Variants in BANP observed in about 807,000 individuals in gnomAD.
The protein encoded by BANP is BTG3 associated nuclear protein.
BANP carries 11 observed loss-of-function variants against 68.1 expected under a neutral mutation model. The observed-to-expected ratio is 0.16, with a 90% CI of 0.10 to 0.27. The LOEUF (loss-of-function observed/expected upper bound fraction) is 0.27. Among genes scored for constraint, BANP ranks in the 10% least tolerant of loss-of-function variants. The pLI is 1.00. For missense variants in BANP, 504 were observed against 722.7 expected (o/e 0.70, Z 3.47); for synonymous variants, 329 against 303.2 (o/e 1.09, Z -0.88).
In BANP at chr16:88,077,156, C is replaced by T. The variant is rs994838764; in HGVS notation, c.*495C>T. 1.2e-5 allele frequency: 2 copies of T among 160,638 alleles called. No homozygotes were observed. The highest frequency in any genetic ancestry group is 1.4e-5 in the Non-Finnish European group (1 of 72,772). The allele number at this position is 160,638 out of a possible 1,614,324, so 10.0% of individuals were successfully genotyped here. On this transcript the variant is annotated 3_prime_UTR_variant, in exon 14 of 14. Coordinates refer to ENST00000682872, the MANE Select transcript of BANP (RefSeq NM_001386991.1). Reference sequence around the variant, plus strand: ...GTGTGCTCTGTCCAGTGTCATGAGACGGGAGCCCTTTGCTGTGTGCTCTGT... The same window carrying T: ...GTGTGCTCTGTCCAGTGTCATGAGATGGGAGCCCTTTGCTGTGTGCTCTGT...
chr16:88,015,665 G>A (rs2074371544), intron 6 of BANP, among the ~76,000 whole-genome samples: 1 of 152,266 alleles, frequency 6.6e-6, no homozygotes, highest in Admixed American at 6.5e-5. Flanking sequence ...TCGCTTGCAG[G>A]CCACTGTCCC....
chr16:88,019,048 A>G (rs1377252100), intron 7 of BANP, among the ~76,000 whole-genome samples: 1 of 152,082 alleles, frequency 6.6e-6, no homozygotes, highest in Admixed American at 6.6e-5. Context: ...GCCTCTCCTA[A>G]GCGGGTGGAG....
intron 11 of BANP, among the ~76,000 whole-genome samples, chr16:88,038,499 A>G (rs2079974031): frequency 1.0e-5 from 1 of 98,060 alleles, no homozygotes. Flanking sequence ...TCAGATGGTT[A>G]TTTTCTGCAC....
intron 4 of BANP, among the ~76,000 whole-genome samples, chr16:87,996,282 C>T (rs558787031): frequency 1.3e-5 from 2 of 152,242 alleles, no homozygotes; most frequent in Non-Finnish European, 2.9e-5. Flanking sequence ...GTCTCAGCTG[C>T]CTGTGCCACT....
chr16:88,056,845 A>G (rs1470705093), intron 11 of BANP, among the ~76,000 whole-genome samples: 2 of 152,242 alleles, frequency 1.3e-5, no homozygotes, highest in African/African-American at 2.4e-5. Flanking sequence ...AATGAATACA[A>G]TGGCAACTGT....
chr16:88,028,576 TTGAGTGACCTGTGTTGAAG>T (rs1244042225), intron 8 of BANP, among the ~76,000 whole-genome samples: 1 of 152,202 alleles, frequency 6.6e-6, no homozygotes, highest in African/African-American at 2.4e-5. Flanking sequence ...CAGCGCTTTA[TTGAGTGACCTGTGTTGAAG>T]AAGCTCTTCT....
chr16:88,031,788 C>T (rs182803575), intron 8 of BANP, among the ~76,000 whole-genome samples: 1 of 151,372 alleles, frequency 6.6e-6, no homozygotes, highest in African/African-American at 2.4e-5. Context: ...TCCCCTCCCC[C>T]GCTCTTGCCC....
rs1009187247 is a variant in BANP, at chr16:88,036,084, G to T, written c.1272+690G>T. Among the ~76,000 whole-genome samples the T allele has an allele frequency of 2.0e-5, 3 of 152,200 alleles. No individual in the cohort carries two copies. Among genetic ancestry groups the T allele is most frequent in the Non-Finnish European group, 4.4e-5 (3 of 68,038 alleles). On this transcript the variant is annotated intron_variant, in intron 10 of 13. Coordinates refer to ENST00000682872, the MANE Select transcript of BANP (RefSeq NM_001386991.1). The surrounding 1 kb of genome is among the most constrained non-coding windows in gnomAD (Gnocchi z 4.2). ...GCATGCCAGAGCAGGACTGTCTCCC[G>T]GGTGACCGTCCTTCGACTCTGGGCT... is the stretch of plus-strand genomic sequence containing the variant.
At position 88,002,923 on chromosome 16, in the gene BANP, G is replaced by A. The variant is rs1429405807; in HGVS notation, c.363-1372G>A. 1.3e-5 allele frequency among the ~76,000 whole-genome samples: 2 copies of A among 152,104 alleles called. No individual in the cohort carries two copies. The highest frequency in any genetic ancestry group is 2.9e-5 in the Non-Finnish European group (2 of 68,010). ...AAATGCATGTGTGGACATGCTGTGA[G>A]CCTAGGATCCCGGGGACACCAGCCT... On this transcript the variant is annotated intron_variant, in intron 4 of 13. Transcript: ENST00000682872. The surrounding 1 kb of genome is among the most constrained non-coding windows in gnomAD (Gnocchi z 4.6).
rs1248540121 is a variant in BANP, at chr16:88,057,069, G to T, written c.1312-8198G>T. Reference sequence around the variant, plus strand: ...TCCTTTTGGTGGGATCCAAATGTGAGAACTTTTTCTGAATAAGGGAGTTTT... The same window carrying T: ...TCCTTTTGGTGGGATCCAAATGTGATAACTTTTTCTGAATAAGGGAGTTTT... On this transcript the variant is annotated intron_variant, in intron 11 of 13. Coordinates refer to ENST00000682872, the MANE Select transcript of BANP (RefSeq NM_001386991.1). The surrounding 1 kb of genome is among the most constrained non-coding windows in gnomAD (Gnocchi z 4.6). 1.3e-5 allele frequency among the ~76,000 whole-genome samples: 2 copies of T among 152,222 alleles called. No individual in the cohort carries two copies. The highest frequency in any genetic ancestry group is 2.9e-5 in the Non-Finnish European group (2 of 68,048).
At chr16:88,055,650 G>A (rs1049977278) in intron 11 of BANP, among the ~76,000 whole-genome samples, 14 of 152,172 alleles carry the variant, frequency 9.2e-5, no homozygotes, top group African/African-American at 3.4e-4. Context: ...AGGAGTGTGT[G>A]TGTGCAGGGT....
At chr16:87,973,768 A>AAAAAAAAAAAAAAAAAAAAAGAAAG (rs2061546192) in intron 1 of BANP, among the ~76,000 whole-genome samples, 1 of 104,932 alleles carries the variant, frequency 9.5e-6, no homozygotes, top group African/African-American at 3.1e-5. Flanking sequence ...AAAAAAAAAA[A>AAAAAAAAAAAAAAAAAAAAAGAAAG]AAAAAAGAAA....
rs1418143671 is a variant in BANP at position 88,064,199 on chromosome 16, A to C, written c.1312-1068A>C. 1.2e-5 allele frequency among the ~76,000 whole-genome samples: 1 copy of C among 81,168 alleles called. No homozygotes were observed. Among genetic ancestry groups the C allele is most frequent in the Non-Finnish European group, 2.6e-5 (1 of 38,784 alleles). The allele number at this position is 81,168 out of a possible 152,430, so 53.2% of individuals were successfully genotyped here. ...GAGGTGTCGGGGGCTTGAGAGGCGC[A>C]GGGGAGCAGGGGGGGAGAGTGGACA... On this transcript the variant is annotated intron_variant, in intron 11 of 13. Transcript: ENST00000682872. This position sits in a 1 kb window ranked among gnomAD's most constrained non-coding sequence, Gnocchi z 4.5.
Position 87,957,267 on chromosome 16 carries a change from A to G in BANP, c.-69+5752A>G, listed in dbSNP as rs1042631969. ...CGGAACCCACAGGTCGCCAGCTTAC[A>G]GCGTGGGAGCTGTGGAAGGACACAT... On this transcript the variant is annotated intron_variant, in intron 1 of 13. Transcript: ENST00000682872. The surrounding 1 kb of genome is among the most constrained non-coding windows in gnomAD (Gnocchi z 4.3). Among the ~76,000 whole-genome samples the G allele has an allele frequency of 6.6e-6, 1 of 152,206 alleles. No homozygotes were observed. The highest frequency in any genetic ancestry group is 2.4e-5 in the African/African-American group (1 of 41,440).
chr16:88,004,156 C>T lies in BANP; in HGVS notation c.363-139C>T, dbSNP rs1367334290. ...CTCAGGACGGGTCCCTGGGAGTGGA[C>T]TATGTTGAATGACTCTTAGGCCTCC... On this transcript the variant is annotated intron_variant, in intron 4 of 13. Coordinates refer to ENST00000682872, the MANE Select transcript of BANP (RefSeq NM_001386991.1). The surrounding 1 kb of genome is among the most constrained non-coding windows in gnomAD (Gnocchi z 7.0). The T allele has an allele frequency of 6.0e-6, 4 of 671,128 alleles. No individual in the cohort carries two copies. The African/African-American group carries it at 7.1e-5, about 12-fold the overall frequency. The allele number at this position is 671,128 out of a possible 1,614,324, so 41.6% of individuals were successfully genotyped here. A position where few individuals can be genotyped will look rare whatever the true frequency, so the allele number is the denominator to read the frequency against.
chr16:88,073,926 G>C (rs563141768), intron 13 of BANP, among the ~76,000 whole-genome samples: 1 of 152,224 alleles, frequency 6.6e-6, no homozygotes, highest in South Asian at 2.1e-4. Flanking sequence ...AGGATCCATC[G>C]TAACAGCCAA....
rs1465234710 is a variant in BANP at position 88,002,805 on chromosome 16, C to T, written c.363-1490C>T. On this transcript the variant is annotated intron_variant, in intron 4 of 13. Transcript: ENST00000682872. The surrounding 1 kb of genome is among the most constrained non-coding windows in gnomAD (Gnocchi z 4.6). ...CTATTAAAATTTCTTCTCAGACTGT[C>T]AGTGTGCCAGTGGCCACTGTGAATA... 2.0e-5 allele frequency among the ~76,000 whole-genome samples: 3 copies of T among 152,344 alleles called. No homozygotes were observed. Among genetic ancestry groups the T allele is most frequent in the African/African-American group, 4.8e-5 (2 of 41,580 alleles).
intron 11 of BANP, among the ~76,000 whole-genome samples, chr16:88,046,961 G>T (rs2082162348): frequency 6.6e-6 from 1 of 151,948 alleles, no homozygotes; most frequent in Non-Finnish European, 1.5e-5. Flanking sequence ...AGCTACTCGG[G>T]AGGCTGAGGC....
At chr16:88,065,186 G>A in intron 11 of BANP, 81 bp from the exon 12 acceptor site, 2 of 633,112 alleles carry the variant, frequency 3.2e-6, no homozygotes, top group South Asian at 3.5e-5. Context: ...AGCCCATCCT[G>A]GGTCTCAGTG....
Sources: gnomAD v4.1 joint callset for allele counts (sites outside exome capture counted in the v4.1 genomes callset) on GRCh38, gnomAD v4.1.1 for gene constraint, Gnocchi (gnomAD v3.1) non-coding constraint, MANE v1.5 for transcripts, NCBI Gene and HGNC (gene_info 2026-07-23, HGNC 2026-07-21) for gene names.